UBAC2: variants seen among roughly 807,000 people sequenced by gnomAD.
The protein encoded by UBAC2 is UBA domain containing 2, also known as ubiquitin-associated domain-containing protein 2.
Under a neutral mutation model 44.0 loss-of-function variants are expected in UBAC2, and 26 were observed. The ratio of observed to expected loss-of-function variants is 0.59; its 90% CI spans 0.43 to 0.82. The LOEUF (loss-of-function observed/expected upper bound fraction) is 0.82. Among genes scored for constraint, UBAC2 ranks in the 40% least tolerant of loss-of-function variants. The pLI is 0.00. For synonymous variants in UBAC2, 155 were observed against 154.3 expected (o/e 1.00, Z -0.04); for missense variants, 329 against 419.4 (o/e 0.78, Z 1.88).
At chr13:99,251,152 C>T (rs1050504757) in intron 4 of UBAC2, among the ~76,000 whole-genome samples, 3 of 152,122 alleles carry the variant, frequency 2.0e-5, no homozygotes, top group Middle Eastern at 3.4e-3. Context: ...GTGTTGTGTT[C>T]TTGGTTTGAC....
intron 7 of UBAC2, among the ~76,000 whole-genome samples, chr13:99,354,031 G>T (rs2045137578): frequency 6.6e-6 from 1 of 152,262 alleles, no homozygotes; most frequent in Admixed American, 6.5e-5. Context: ...AAGCAATGGA[G>T]GTGTGTGCAC....
chr13:99,240,874 T>G (rs2043291568), intron 2 of UBAC2, among the ~76,000 whole-genome samples: 1 of 152,226 alleles, frequency 6.6e-6, no homozygotes, highest in Admixed American at 6.5e-5. Context: ...ACAGTTGATA[T>G]GCTCAGACTT....
At chr13:99,201,642 G>T in intron 1 of UBAC2, 1 of 1,532,478 alleles carries the variant, frequency 6.5e-7, no homozygotes, top group South Asian at 1.2e-5. Context: ...TTTCGGTAAG[G>T]TAGACTGCGT....
intron 4 of UBAC2, among the ~76,000 whole-genome samples, chr13:99,287,488 G>A (rs926436988): frequency 1.1e-4 from 16 of 152,014 alleles, no homozygotes; most frequent in Middle Eastern, 3.4e-3. Context: ...GCAGTGGCAC[G>A]ATCATGACTA....
chr13:99,261,249 C>G (rs1324582358), intron 4 of UBAC2, among the ~76,000 whole-genome samples: 1 of 152,196 alleles, frequency 6.6e-6, no homozygotes, highest in African/African-American at 2.4e-5. Context: ...GGGTGTGAGG[C>G]AGACAAAGAG....
intron 4 of UBAC2, among the ~76,000 whole-genome samples, chr13:99,264,003 G>A (rs1371540728): frequency 1.3e-5 from 2 of 152,198 alleles, no homozygotes. Context: ...GTGTGGGCAT[G>A]TGTAATAATA....
At chr13:99,318,310 G>A (rs895476804) in intron 6 of UBAC2, among the ~76,000 whole-genome samples, 1 of 151,984 alleles carries the variant, frequency 6.6e-6, no homozygotes, top group Admixed American at 6.5e-5. Flanking sequence ...TGGGATTACA[G>A]GTGTGTGCCA....
At chr13:99,357,417 T>C (rs2045203346) in intron 7 of UBAC2, among the ~76,000 whole-genome samples, 1 of 152,260 alleles carries the variant, frequency 6.6e-6, no homozygotes, top group Non-Finnish European at 1.5e-5. Context: ...TGTACGTTTG[T>C]TTTGTTATCT....
chr13:99,359,646 A>G (rs1030358131), intron 7 of UBAC2, among the ~76,000 whole-genome samples: 1 of 152,250 alleles, frequency 6.6e-6, no homozygotes, highest in African/African-American at 2.4e-5. Context: ...CCACTGGGCC[A>G]GCTGTAAACA....
At chr13:99,207,943 G>T (rs1033268377) in intron 1 of UBAC2, among the ~76,000 whole-genome samples, 5 of 151,398 alleles carry the variant, frequency 3.3e-5, no homozygotes, top group Admixed American at 2.6e-4. Flanking sequence ...TATGCATTCA[G>T]TGTGTGGGAG....
At chr13:99,363,486 T>C (rs953460451) in intron 7 of UBAC2, among the ~76,000 whole-genome samples, 1 of 152,230 alleles carries the variant, frequency 6.6e-6, no homozygotes, top group Non-Finnish European at 1.5e-5. Flanking sequence ...CTGTCTTGTA[T>C]AGAAGTCCAG....
chr13:99,315,007 A>G (rs956416066), intron 5 of UBAC2, among the ~76,000 whole-genome samples: 6 of 151,656 alleles, frequency 4.0e-5, no homozygotes, highest in African/African-American at 1.2e-4. Context: ...TATCCCACGC[A>G]CTCTAACCGG....
chr13:99,368,322 G>A (rs2045359010), intron 8 of UBAC2, among the ~76,000 whole-genome samples: 1 of 152,056 alleles, frequency 6.6e-6, no homozygotes, highest in East Asian at 1.9e-4. Flanking sequence ...AAAAGGACAG[G>A]GACAAATGTA....
chr13:99,243,781 C>T, intron 2 of UBAC2, 51 bp from the exon 3 acceptor site: 3 of 1,528,220 alleles, frequency 2.0e-6, no homozygotes, highest in Non-Finnish European at 2.6e-6. Context: ...AAGGAAGAGA[C>T]CCGAACAAAT....
At chr13:99,206,438 A>G (rs947251578) in intron 1 of UBAC2, among the ~76,000 whole-genome samples, 1 of 152,236 alleles carries the variant, frequency 6.6e-6, no homozygotes. Context: ...GCCTTCTTCC[A>G]CGGAATCACG....
chr13:99,301,929 C>A (rs1242220518), intron 4 of UBAC2, among the ~76,000 whole-genome samples: 1 of 152,122 alleles, frequency 6.6e-6, no homozygotes, highest in Non-Finnish European at 1.5e-5. Flanking sequence ...TAATAATCAT[C>A]AACACCTTGA....
intron 6 of UBAC2, among the ~76,000 whole-genome samples, chr13:99,319,995 T>C (rs2044547106): frequency 6.6e-6 from 1 of 152,260 alleles, no homozygotes; most frequent in South Asian, 2.1e-4. Flanking sequence ...CATTCAAATA[T>C]TGAAGTACCT....
chr13:99,376,766 A>C (rs541324498), intron 8 of UBAC2, among the ~76,000 whole-genome samples: 6 of 152,282 alleles, frequency 3.9e-5, no homozygotes, highest in Admixed American at 2.6e-4. Context: ...GCTGCACTCT[A>C]ATCTGATATT....
intron 4 of UBAC2, among the ~76,000 whole-genome samples, chr13:99,269,478 A>G (rs191490181): frequency 1.3e-5 from 2 of 152,242 alleles, no homozygotes; most frequent in East Asian, 1.9e-4. Flanking sequence ...TATTTTTTCT[A>G]TATAATCTAA....
Sources: gnomAD v4.1 joint callset for allele counts (sites outside exome capture counted in the v4.1 genomes callset) on GRCh38, gnomAD v4.1.1 for gene constraint, MANE v1.5 for transcripts, NCBI Gene and HGNC (gene_info 2026-07-23, HGNC 2026-07-21) for gene names.